Variants in ITGA6 observed in about 807,000 individuals in gnomAD.
ITGA6 encodes the protein integrin alpha-6.
Under a neutral mutation model 133.6 loss-of-function variants are expected in ITGA6, and 63 were observed. The ratio of observed to expected loss-of-function variants is 0.47; its 90% CI spans 0.38 to 0.58. ITGA6 has a LOEUF of 0.58. ITGA6 is among the 20% of genes least tolerant of loss of function. ITGA6 has a pLI of 0.00. For missense variants in ITGA6, 1,068 were observed against 1,309.4 expected, an observed-to-expected ratio of 0.82 and a Z score of 2.85; for synonymous variants, 434 against 482.0, an observed-to-expected ratio of 0.90 and a Z score of 1.30.
In ITGA6 at chr2:172,504,282, T is replaced by C; in HGVS notation, c.*214T>C. The C allele has an allele frequency of 6.7e-7, 1 of 1,484,822 alleles. No individual in the cohort carries two copies. The highest frequency in any genetic ancestry group is 9.0e-7 in the Non-Finnish European group (1 of 1,108,224). 92.0% of individuals were successfully genotyped at this position (1,484,822 alleles called of 1,614,324 possible). A position where few individuals can be genotyped will look rare whatever the true frequency, so the allele number is the denominator to read the frequency against. On this transcript the variant is annotated 3_prime_UTR_variant, in exon 26 of 26. Transcript: ENST00000684293. ...GGCCTAAAAAAAAAAAGCTTCACAG[T>C]ACCCAAACTGCTTTTTCCAACTCAG...
intron 1 of ITGA6, among the ~76,000 whole-genome samples, chr2:172,450,892 C>CAAATATATATATATATTTATATAA: frequency 6.9e-6 from 1 of 144,004 alleles, no homozygotes; most frequent in Admixed American, 7.0e-5. Flanking sequence ...TATTTATATA[C>CAAATATATATATATATTTATATAA]AAATATATAT....
At position 172,491,630 on chromosome 2, in the gene ITGA6, C is replaced by A; in HGVS notation, c.2988+107C>A. ...CTTTGGTGCTCATTTCCCTCATAGC[C>A]CCATTACGGAGAAAACTGTCTTAAG... On this transcript the variant is annotated intron_variant, in intron 23 of 25. Transcript: ENST00000684293. This position sits in a 1 kb window ranked among gnomAD's most constrained non-coding sequence, Gnocchi z 4.4. The A allele has an allele frequency of 1.3e-6, 1 of 757,232 alleles. No homozygotes were observed. Among genetic ancestry groups the A allele is most frequent in the Non-Finnish European group, 2.3e-6 (1 of 430,140 alleles). 46.9% of individuals were successfully genotyped at this position (757,232 alleles called of 1,614,324 possible).
chr2:172,480,445 G>C (rs932062946), intron 11 of ITGA6, among the ~76,000 whole-genome samples: 4 of 151,740 alleles, frequency 2.6e-5, no homozygotes, highest in Admixed American at 2.6e-4. Flanking sequence ...AAAGGGCAAC[G>C]GCAGGAGCCA....
At chr2:172,483,019 C>G (rs1273906359) in intron 11 of ITGA6, among the ~76,000 whole-genome samples, 3 of 152,138 alleles carry the variant, frequency 2.0e-5, no homozygotes, top group Non-Finnish European at 4.4e-5. Context: ...GGCTTTGCCC[C>G]ACTGTGGGAG....
chr2:172,432,870 G>A lies in ITGA6; in HGVS notation c.182+4900G>A, dbSNP rs1684161003. Among the ~76,000 whole-genome samples, 3 of 152,156 alleles carry A rather than the reference G, an allele frequency of 2.0e-5. 1 individual carries two copies. The highest frequency in any genetic ancestry group is 4.2e-4 in the South Asian group (2 of 4,772). The stretch of plus-strand genomic sequence containing the variant: ...GATCTTTCTGAAAGCAACTTGACAG[G>A]GGTGTGGGGGTCAAATGGAAGTGTG... On this transcript the variant is annotated intron_variant, in intron 1 of 25. Coordinates refer to ENST00000684293, the MANE Select transcript of ITGA6 (RefSeq NM_000210.4).
rs752203504 is a variant in ITGA6, at chr2:172,487,283, C to T, written c.1990C>T (p.Leu664=). 14 of 1,613,538 alleles carry T rather than the reference C, an allele frequency of 8.7e-6. No individual in the cohort carries two copies. The South Asian group carries it at 1.5e-4, about 18-fold the overall frequency. Residue 664 remains leucine, a synonymous_variant, in exon 15 of 26, where the codon CTA becomes TTA. Transcript: ENST00000684293. ...TAATAGTCAAAAAGGTGTACCAGAA[C>T]TAGTTCTAAAAGATCAGAAGGATAT... ...YLPIQKGVPE[L]VLKDQKDIAL... is the part of the protein sequence containing the mutation.
intron 7 of ITGA6, 51 bp downstream of exon 7, chr2:172,475,173 T>G (rs1193361320): frequency 8.2e-7 from 1 of 1,212,512 alleles, no homozygotes; most frequent in Admixed American, 1.7e-5. Context: ...TTTGATTGTT[T>G]AAATAATAGC....
chr2:172,479,586 A>T lies in ITGA6; in HGVS notation c.1389-55A>T, dbSNP rs541372796. The stretch of plus-strand genomic sequence containing the variant: ...GGATGCTCTCTAGTATGTGAATTAG[A>T]CTCACATTCAAGGTAACAGAGGCTG... On this transcript the variant is annotated intron_variant, in intron 9 of 25. Coordinates refer to ENST00000684293, the MANE Select transcript of ITGA6 (RefSeq NM_000210.4). 22 of 1,393,702 alleles carry T rather than the reference A, an allele frequency of 1.6e-5. No homozygotes were observed. In the African/African-American group the frequency reaches 2.6e-4, roughly 16 times the overall value. 86.3% of individuals were successfully genotyped at this position (1,393,702 alleles called of 1,614,324 possible). A position where few individuals can be genotyped will look rare whatever the true frequency, so the allele number is the denominator to read the frequency against.
Position 172,489,510 on chromosome 2 carries a change from C to T in ITGA6, c.2531C>T (p.Thr844Ile), listed in dbSNP as rs200289610. Residue 844 changes from threonine (T) to isoleucine (I), a missense_variant, in exon 20 of 26, where the codon ACA becomes ATA. Thr to Ile is a moderately conservative substitution (Grantham distance 89). Transcript: ENST00000684293. ...FRVINLGKPL[T>I]NLGTATLNIQ... ...GTAATAAACTTAGGTAAACCTCTTA[C>T]AAACCTCGGCACAGCAACCTTGAAC... 1.2e-5 allele frequency: 19 copies of T among 1,613,708 alleles called. No individual in the cohort carries two copies. The highest frequency in any genetic ancestry group is 1.7e-5 in the Admixed American group (1 of 60,016).
At chr2:172,484,434 G>GGAGTGTTGGGTTCCTCTGCTTATCGTTA (rs11269720) in intron 11 of ITGA6, among the ~76,000 whole-genome samples, 22,013 of 151,582 alleles carry the variant, frequency 0.15, 1,812 homozygotes, top group African/African-American at 0.23. Flanking sequence ...GGTGCTCGGG[G>GGAGTGTTGGGTTCCTCTGCTTATCGTTA]GAGTGTTGGG....
In ITGA6 at chr2:172,427,883, A is replaced by G. The variant is rs1020126767; in HGVS notation, c.95A>G (p.Asn32Ser). ...AAFNLDTREDNVIRKYGDPGS... is the reference protein window; with the variant it reads ...AAFNLDTREDSVIRKYGDPGS... ...TTCAACTTGGACACTCGGGAGGACA[A>G]CGTGATCCGGAAATATGGAGACCCC... The change falls in exon 1 of 26, where the codon AAC becomes AGC. Residue 32 changes from asparagine to serine, a missense_variant. Asn to Ser is a conservative substitution (Grantham distance 46, BLOSUM62 1). Transcript: ENST00000684293. 8.1e-6 allele frequency: 13 copies of G among 1,606,628 alleles called. No homozygotes were observed. Among genetic ancestry groups the G allele is most frequent in the Admixed American group, 5.1e-5 (3 of 59,036 alleles).
chr2:172,441,938 T>A (rs1388644120), intron 1 of ITGA6, among the ~76,000 whole-genome samples: 2 of 152,184 alleles, frequency 1.3e-5, no homozygotes, highest in African/African-American at 4.8e-5. Flanking sequence ...AATGTGTCTG[T>A]TTTTATAAAA....
chr2:172,459,850 A>G (rs977909545), intron 1 of ITGA6, among the ~76,000 whole-genome samples: 2 of 152,246 alleles, frequency 1.3e-5, no homozygotes, highest in Non-Finnish European at 2.9e-5. Flanking sequence ...CATCAGGTCT[A>G]CATTGCTGCA....
chr2:172,494,064 T>C (rs138097109), intron 23 of ITGA6, among the ~76,000 whole-genome samples: 46 of 152,342 alleles, frequency 3.0e-4, no homozygotes, highest in Admixed American at 2.6e-3. Flanking sequence ...ACACCTTTTC[T>C]GTTTTCTGTG....
intron 3 of ITGA6, 119 bp downstream of exon 3, chr2:172,467,679 C>T (rs1685740640): frequency 2.6e-6 from 2 of 782,018 alleles, no homozygotes; most frequent in Admixed American, 3.9e-5. Flanking sequence ...TGCTTTAAAG[C>T]AGGAATGGAT....
chr2:172,472,879 A>G (rs1559138686), intron 5 of ITGA6: 2 of 1,598,734 alleles, frequency 1.3e-6, no homozygotes, highest in Non-Finnish European at 1.7e-6. Context: ...GTGATGATGA[A>G]TAGCTACCTA....
intron 1 of ITGA6, among the ~76,000 whole-genome samples, chr2:172,438,861 C>T (rs1684428658): frequency 6.6e-6 from 1 of 151,720 alleles, no homozygotes; most frequent in Non-Finnish European, 1.5e-5. Flanking sequence ...CCACAGGCCG[C>T]CATGAAGTAT....
upstream of ITGA6, chr2:172,427,549 C>A (rs564668995): frequency 5.0e-6 from 6 of 1,189,890 alleles, no homozygotes; most frequent in South Asian, 1.4e-4. Context: ...CCGGCGTCCT[C>A]GTCACTTGAT....
chr2:172,502,234 G>A lies in ITGA6; in HGVS notation c.*22+333G>A, dbSNP rs193139740. Among the ~76,000 whole-genome samples the A allele has an allele frequency of 1.8e-4, 27 of 152,230 alleles. No homozygotes were observed. In the East Asian group the frequency reaches 2.3e-3, roughly 13 times the overall value. On this transcript the variant is annotated intron_variant, in intron 25 of 25. Coordinates refer to ENST00000684293, the MANE Select transcript of ITGA6 (RefSeq NM_000210.4). ...CAGTTTGCAATGTGTTATTAATTCG[G>A]TATGTAGCATTCCACTAGGGAATTC... is the stretch of plus-strand genomic sequence containing the variant.
Sources: gnomAD v4.1 joint callset for allele counts (sites outside exome capture counted in the v4.1 genomes callset) on GRCh38, gnomAD v4.1.1 for gene constraint, Gnocchi (gnomAD v3.1) non-coding constraint, MANE v1.5 for transcripts, NCBI Gene and HGNC (gene_info 2026-07-23, HGNC 2026-07-21) for gene names.